BHMT: variants seen among roughly 807,000 people sequenced by gnomAD.
BHMT encodes the protein betaine--homocysteine S-methyltransferase.
Under a neutral mutation model 49.5 loss-of-function variants are expected in BHMT, and 38 were observed. The ratio of observed to expected loss-of-function variants is 0.77; its 90% CI spans 0.59 to 1.01. BHMT has a LOEUF of 1.01. Ranked by LOEUF, BHMT falls within the 50% of genes least tolerant of loss-of-function variation. BHMT has a pLI of 0.00. For missense variants in BHMT, 426 were observed against 495.7 expected (o/e 0.86, Z 1.34); for synonymous variants, 166 against 176.3 (o/e 0.94, Z 0.46).
rs772824496 is a variant in BHMT, at chr5:79,130,976, C to T, written c.1081C>T (p.Arg361Trp). 15 of 1,613,632 alleles carry T rather than the reference C, an allele frequency of 9.3e-6. No homozygotes were observed. The highest frequency in any genetic ancestry group is 5.0e-5 in the Admixed American group (3 of 59,950). Residue 361 changes from arginine (R) to tryptophan (W), a missense_variant, in exon 8 of 8, where the codon CGG becomes TGG. Physicochemically the swap from Arg to Trp is moderately radical, Grantham distance 101. Transcript: ENST00000274353. The stretch of plus-strand genomic sequence containing the variant: ...GGAGAATCTTCGGATAGCCTCAGGC[C>T]GGCCATACAACCCTTCAATGTCAAA... ...YWENLRIASG[R>W]PYNPSMSKPD...
At chr5:79,121,050 C>T (rs747521932) in intron 4 of BHMT, among the ~76,000 whole-genome samples, 168 bp from the exon 5 acceptor site, 13 of 150,994 alleles carry the variant, frequency 8.6e-5, no homozygotes, top group African/African-American at 1.2e-4. Flanking sequence ...ACTTGGGAGG[C>T]GGAGGCAGGA....
chr5:79,122,309 A>G (rs1238763615), intron 5 of BHMT, among the ~76,000 whole-genome samples: 1 of 152,128 alleles, frequency 6.6e-6, no homozygotes, highest in Admixed American at 6.5e-5. Flanking sequence ...CCTAGTCTCC[A>G]AGAAGGTGAT....
intron 6 of BHMT, 141 bp from the exon 7 acceptor site, chr5:79,127,614 G>T: frequency 1.7e-6 from 2 of 1,208,604 alleles, no homozygotes; most frequent in South Asian, 1.6e-5. Flanking sequence ...ACAACACAAA[G>T]TAGCAAAGTT....
chr5:79,128,064 T>C (rs1756579216), intron 7 of BHMT, 81 bp downstream of exon 7: 2 of 1,484,246 alleles, frequency 1.3e-6, no homozygotes, highest in South Asian at 1.3e-5. Flanking sequence ...TGCAGCAAAT[T>C]TGTTGTGTGA....
intron 1 of BHMT, among the ~76,000 whole-genome samples, chr5:79,112,966 G>A (rs1756328735): frequency 6.6e-6 from 1 of 152,198 alleles, no homozygotes; most frequent in South Asian, 2.1e-4. Flanking sequence ...GGAGGCAGAT[G>A]GGGCCAGGCC....
At chr5:79,120,920 A>C (rs753075417) in intron 4 of BHMT, among the ~76,000 whole-genome samples, 1 of 152,160 alleles carries the variant, frequency 6.6e-6, no homozygotes, top group African/African-American at 2.4e-5. Context: ...TGGGAGGCCA[A>C]GGCGTGTGGA....
At position 79,127,840 on chromosome 5, in the gene BHMT, G is replaced by A. The variant is rs1580275108; in HGVS notation, c.894G>A (p.Gly298=). The A allele has an allele frequency of 1.2e-6, 2 of 1,614,102 alleles. No individual in the cohort carries two copies. Among genetic ancestry groups the A allele is most frequent in the Non-Finnish European group, 1.7e-6 (2 of 1,179,994 alleles). Residue 298 remains glycine (G), a synonymous_variant, in exon 7 of 8, where the codon GGG becomes GGA. Coordinates refer to ENST00000274353, the MANE Select transcript of BHMT (RefSeq NM_001713.3). ...AYNLGVRYIG[G]CCGFEPYHIR... ...ACCTGGGGGTCAGGTACATTGGCGG[G>A]TGCTGTGGATTTGAGCCCTACCACA... is the stretch of plus-strand genomic sequence containing the variant.
chr5:79,114,118 CAT>C (rs148058171), intron 1 of BHMT, among the ~76,000 whole-genome samples: 10,202 of 148,000 alleles, frequency 0.069, 478 homozygotes, highest in Middle Eastern at 0.11. Flanking sequence ...TATATGTATA[CAT>C]ATATATATTA....
At chr5:79,130,857 T>A in intron 7 of BHMT, 76 bp from the exon 8 acceptor site, 1 of 1,259,788 alleles carries the variant, frequency 7.9e-7, no homozygotes, top group East Asian at 2.7e-5. Flanking sequence ...ATATAATTTT[T>A]AAATGGTTCC....
At position 79,121,235 on chromosome 5, in the gene BHMT, A is replaced by G. The variant is rs756943442; in HGVS notation, c.495A>G (p.Glu165=). 2.5e-6 allele frequency: 4 copies of G among 1,614,068 alleles called. No individual in the cohort carries two copies. The highest frequency in any genetic ancestry group is 3.4e-6 in the Non-Finnish European group (4 of 1,180,004). ...GATTCCAGTATTTTGAACACGTTGA[A>G]GAAGCTGTGTGGGCAGTTGAAACCT... ...FLIAEYFEHV[E]EAVWAVETLI... Residue 165 remains glutamate, a synonymous_variant, in exon 5 of 8, where the codon GAA becomes GAG. Coordinates refer to ENST00000274353, the MANE Select transcript of BHMT (RefSeq NM_001713.3).
intron 2 of BHMT, 75 bp downstream of exon 2, chr5:79,115,974 T>C (rs1756381566): frequency 6.9e-7 from 1 of 1,451,236 alleles, no homozygotes; most frequent in Non-Finnish European, 9.1e-7. Flanking sequence ...TCCCAGCAAC[T>C]CAGGAGGCTG....
intron 1 of BHMT, among the ~76,000 whole-genome samples, chr5:79,112,243 G>A (rs1756313419): frequency 2.0e-5 from 3 of 152,180 alleles, no homozygotes. Flanking sequence ...GGCACCCTCT[G>A]AGCCCTCCCT....
At position 79,121,364 on chromosome 5, in the gene BHMT, A is replaced by C. The variant is rs767307239; in HGVS notation, c.624A>C (p.Ala208=). 3.7e-6 allele frequency: 6 copies of C among 1,613,996 alleles called. No individual in the cohort carries two copies. The highest frequency in any genetic ancestry group is 8.5e-7 in the Non-Finnish European group (1 of 1,179,960). ...AGTGTGCAGTGCGCCTGGTGAAAGC[A>C]GGTGATGATAGATTTCAATCAGTTT... The part of the protein sequence containing the change: ...PGECAVRLVK[A]GASIIGVNCH... Residue 208 remains alanine (A), a splice_region_variant and synonymous_variant, in exon 5 of 8, where the codon GCA becomes GCC. Transcript: ENST00000274353.
intron 6 of BHMT, among the ~76,000 whole-genome samples, chr5:79,126,508 G>A (rs766863846): frequency 1.3e-5 from 2 of 152,110 alleles, no homozygotes; most frequent in Non-Finnish European, 2.9e-5. Flanking sequence ...TCATACTTTG[G>A]GGTTGGTGAG....
chr5:79,117,497 G>T (rs976125281), intron 2 of BHMT, among the ~76,000 whole-genome samples: 18 of 152,182 alleles, frequency 1.2e-4, no homozygotes, highest in Admixed American at 2.0e-4. Context: ...AACTTTCTAT[G>T]ATTTAAAAAA....
chr5:79,117,010 G>A (rs1438966480), intron 2 of BHMT, among the ~76,000 whole-genome samples: 2 of 152,156 alleles, frequency 1.3e-5, no homozygotes, highest in African/African-American at 2.4e-5. Flanking sequence ...CAGGTTATCG[G>A]GGTCTGGAAG....
chr5:79,122,162 C>T (rs1255010077), intron 5 of BHMT, among the ~76,000 whole-genome samples: 1 of 151,954 alleles, frequency 6.6e-6, no homozygotes, highest in African/African-American at 2.4e-5. Flanking sequence ...AGGCTGGTCT[C>T]GAACTCCTGA....
At chr5:79,123,306 C>T (rs1372883701) in intron 5 of BHMT, among the ~76,000 whole-genome samples, 1 of 152,146 alleles carries the variant, frequency 6.6e-6, no homozygotes, top group East Asian at 1.9e-4. Flanking sequence ...GAGCAAACTG[C>T]AGACCCAGCC....
In BHMT at chr5:79,131,348, G is replaced by C; in HGVS notation, c.*232G>C. Reference sequence around the variant, plus strand: ...AGTAAATCTTGAACAGGTTCACTAAGCACCCACCCTGTGAAAAGTATTATG... The same window carrying C: ...AGTAAATCTTGAACAGGTTCACTAACCACCCACCCTGTGAAAAGTATTATG... On this transcript the variant is annotated 3_prime_UTR_variant, in exon 8 of 8. Transcript: ENST00000274353. 1 of 421,094 alleles carries C rather than the reference G, an allele frequency of 2.4e-6. No individual in the cohort carries two copies. Among genetic ancestry groups the C allele is most frequent in the East Asian group, 4.1e-5 (1 of 24,542 alleles). The allele number at this position is 421,094 out of a possible 1,614,324, so 26.1% of individuals were successfully genotyped here.
Sources: allele counts gnomAD v4.1 joint callset (sites outside exome capture counted in the v4.1 genomes callset), GRCh38; gene constraint gnomAD v4.1.1; transcripts MANE v1.5; gene names NCBI Gene and HGNC (gene_info 2026-07-23, HGNC 2026-07-21).